Variants in IMMP2L observed in about 807,000 individuals in gnomAD.
IMMP2L encodes inner mitochondrial membrane peptidase subunit 2, also known as mitochondrial inner membrane protease subunit 2.
In IMMP2L, 18 loss-of-function variants were observed where a neutral mutation model predicts 19.3. That is an observed-to-expected ratio of 0.93 (90% CI 0.64 to 1.38). The LOEUF (loss-of-function observed/expected upper bound fraction) is 1.38, where lower values mean the gene tolerates loss of function less well. IMMP2L is among the 40% of genes most tolerant of loss of function. The probability of loss-of-function intolerance (pLI) is 0.00; values close to 1 mark genes in which losing one functional copy is unlikely to be tolerated. For missense variants in IMMP2L, 233 were observed against 218.2 expected, an observed-to-expected ratio of 1.07 and a Z score of -0.43; for synonymous variants, 76 against 73.0, an observed-to-expected ratio of 1.04 and a Z score of -0.21.
At chr7:111,478,272 T>C (rs1025368557) in intron 3 of IMMP2L, among the ~76,000 whole-genome samples, 1 of 152,204 alleles carries the variant, frequency 6.6e-6, no homozygotes, top group African/African-American at 2.4e-5. Context: ...AACTAATCTA[T>C]TGAGTTCTTC....
rs1219513826 is a variant in IMMP2L, at chr7:111,366,340, G to GA, written c.239+120897dup. Among the ~76,000 whole-genome samples the GA allele has an allele frequency of 6.0e-3, 762 of 126,782 alleles. 11 individuals carry two copies. The highest frequency in any genetic ancestry group is 0.021 in the African/African-American group (707 of 34,166). The allele number at this position is 126,782 out of a possible 152,430, so 83.2% of individuals were successfully genotyped here. On this transcript the variant is annotated intron_variant, in intron 3 of 5. Transcript: ENST00000405709. ...AATGAGAAGCATTCTATTAAAAAAA[G>GA]AAAGAAAAAAAAAAAAAGAAAGAGC...
intron 3 of IMMP2L, among the ~76,000 whole-genome samples, chr7:111,297,109 G>C (rs981620049): frequency 6.6e-6 from 1 of 151,962 alleles, no homozygotes; most frequent in African/African-American, 2.4e-5. Flanking sequence ...GGAATCTTTG[G>C]GATAACAGGA....
At chr7:110,702,789 T>C (rs1794374135) in intron 5 of IMMP2L, among the ~76,000 whole-genome samples, 1 of 152,144 alleles carries the variant, frequency 6.6e-6, no homozygotes, top group Non-Finnish European at 1.5e-5. Flanking sequence ...TAAACTTACA[T>C]ATTAGTTCTA....
At chr7:111,031,750 A>C in intron 3 of IMMP2L, among the ~76,000 whole-genome samples, 1 of 152,086 alleles carries the variant, frequency 6.6e-6, no homozygotes. Flanking sequence ...TAGTATAGAA[A>C]GAAGAGAAAA....
intron 3 of IMMP2L, among the ~76,000 whole-genome samples, chr7:111,191,209 C>A (rs1419934723): frequency 6.6e-6 from 1 of 151,196 alleles, no homozygotes; most frequent in African/African-American, 2.4e-5. Context: ...GAATGATATT[C>A]TTTTTTAAAA....
intron 3 of IMMP2L, among the ~76,000 whole-genome samples, chr7:111,137,609 T>C (rs936477146): frequency 6.6e-6 from 1 of 152,150 alleles, no homozygotes; most frequent in African/African-American, 2.4e-5. Context: ...ATTTGAGGAA[T>C]AAAAATATTA....
At chr7:111,281,166 GAAAGAAAGAAAGAA>G (rs1200179338) in intron 3 of IMMP2L, among the ~76,000 whole-genome samples, 2 of 31,082 alleles carry the variant, frequency 6.4e-5, no homozygotes, top group African/African-American at 2.3e-4. Flanking sequence ...CAGAAAGAAA[GAAAGAAAGAAAGAA>G]AGAAAGAAAG....
intron 3 of IMMP2L, among the ~76,000 whole-genome samples, chr7:111,315,814 A>T (rs1389374744): frequency 1.3e-5 from 2 of 152,082 alleles, no homozygotes; most frequent in Non-Finnish European, 2.9e-5. Flanking sequence ...GTAAAAAAAA[A>T]CTTACTCTGG....
intron 3 of IMMP2L, among the ~76,000 whole-genome samples, chr7:111,209,311 C>T (rs1010162000): frequency 6.7e-6 from 1 of 150,294 alleles, no homozygotes; most frequent in African/African-American, 2.4e-5. Context: ...GCAGGAGAAT[C>T]GCTTGAACCC....
At chr7:111,555,459 CAA>C (rs34740448) in intron 1 of IMMP2L, among the ~76,000 whole-genome samples, 2 of 149,858 alleles carry the variant, frequency 1.3e-5, no homozygotes, top group African/African-American at 2.5e-5. Flanking sequence ...TCTTCATTCA[CAA>C]AAAAAAAAAT....
At chr7:111,383,618 G>A (rs1262009564) in intron 3 of IMMP2L, among the ~76,000 whole-genome samples, 2 of 151,942 alleles carry the variant, frequency 1.3e-5, no homozygotes, top group African/African-American at 4.8e-5. Context: ...TTATTTCCCT[G>A]TTGGCTTCTA....
At chr7:110,893,588 T>C (rs1158118957) in intron 4 of IMMP2L, among the ~76,000 whole-genome samples, 3 of 152,210 alleles carry the variant, frequency 2.0e-5, no homozygotes, top group Non-Finnish European at 4.4e-5. Context: ...TTTCATATTT[T>C]ATTTAAGATT....
chr7:110,731,972 G>A (rs1464026256), intron 5 of IMMP2L, among the ~76,000 whole-genome samples: 1 of 152,198 alleles, frequency 6.6e-6, no homozygotes, highest in Non-Finnish European at 1.5e-5. Context: ...AAAACAGCAT[G>A]TCTGCTACAA....
At chr7:111,501,405 T>C (rs1378733121) in intron 2 of IMMP2L, among the ~76,000 whole-genome samples, 1 of 152,134 alleles carries the variant, frequency 6.6e-6, no homozygotes, top group East Asian at 1.9e-4. Context: ...CTCTGCAGGA[T>C]ATTATCCAGG....
At chr7:110,726,271 G>C (rs1247194348) in intron 5 of IMMP2L, among the ~76,000 whole-genome samples, 1 of 152,140 alleles carries the variant, frequency 6.6e-6, no homozygotes, top group East Asian at 1.9e-4. Flanking sequence ...CATCTAAATA[G>C]GTATGTGAAA....
intron 1 of IMMP2L, among the ~76,000 whole-genome samples, chr7:111,561,120 C>T (rs1209399497): frequency 6.6e-6 from 1 of 152,110 alleles, no homozygotes; most frequent in Non-Finnish European, 1.5e-5. Flanking sequence ...GAGAGGGAAG[C>T]AGTGTATTAA....
chr7:110,818,688 T>C lies in IMMP2L; in HGVS notation c.408+67905A>G, dbSNP rs564730777. Reference sequence around the variant, plus strand: ...CATATGTTTATTGTGGCACTCACAATAGCAAAGACTTGGAACCAACCCAAA... The same window carrying C: ...CATATGTTTATTGTGGCACTCACAACAGCAAAGACTTGGAACCAACCCAAA... On this transcript the variant is annotated intron_variant, in intron 5 of 5. Transcript: ENST00000405709. Among the ~76,000 whole-genome samples the C allele has an allele frequency of 7.2e-5, 11 of 151,920 alleles. No individual in the cohort carries two copies. The South Asian group carries it at 1.7e-3, about 23-fold the overall frequency.
intron 5 of IMMP2L, among the ~76,000 whole-genome samples, chr7:110,813,989 C>T (rs1802247013): frequency 6.6e-6 from 1 of 151,914 alleles, no homozygotes; most frequent in South Asian, 2.1e-4. Flanking sequence ...TAATTCAGAA[C>T]ACAGGCTATT....
chr7:111,433,760 AG>A (rs1836867625), intron 3 of IMMP2L, among the ~76,000 whole-genome samples: 1 of 151,822 alleles, frequency 6.6e-6, no homozygotes, highest in Non-Finnish European at 1.5e-5. Context: ...CTCTTTAAGA[AG>A]AACTACAAAA....
Sources: allele counts gnomAD v4.1 joint callset (sites outside exome capture counted in the v4.1 genomes callset), GRCh38; gene constraint gnomAD v4.1.1; transcripts MANE v1.5; gene names NCBI Gene and HGNC (gene_info 2026-07-23, HGNC 2026-07-21).